Variants in IL16 observed in about 807,000 individuals in gnomAD.
IL16 encodes the protein pro-interleukin-16.
A neutral mutation model predicts 110.1 loss-of-function variants in IL16; 67 were observed. That is an observed-to-expected ratio of 0.61 (90% CI 0.50 to 0.75). The LOEUF is 0.75. Among genes scored for constraint, IL16 ranks in the 30% least tolerant of loss-of-function variants. The pLI, the probability that IL16 is intolerant of heterozygous loss-of-function variation, is 0.00. For missense variants in IL16, 1,545 were observed against 1,655.0 expected (o/e 0.93, Z 1.15); for synonymous variants, 689 against 662.9 (o/e 1.04, Z -0.61).
At chr15:81,232,616 C>G (rs577448756) in intron 2 of IL16, among the ~76,000 whole-genome samples, 1 of 152,200 alleles carries the variant, frequency 6.6e-6, no homozygotes, top group South Asian at 2.1e-4. Context: ...TTGAGATGCT[C>G]GTATGGAGTT....
At chr15:81,196,048 C>T (rs1566988829), upstream of IL16, among the ~76,000 whole-genome samples, 1 of 152,216 alleles carries the variant, frequency 6.6e-6, no homozygotes. Flanking sequence ...AAACAGAGTG[C>T]CAGAGGTGCT....
At chr15:81,243,542 G>T (rs1023125613) in intron 2 of IL16, among the ~76,000 whole-genome samples, 40 of 151,890 alleles carry the variant, frequency 2.6e-4, no homozygotes, top group Non-Finnish European at 4.3e-4. Context: ...GTAAATCTTT[G>T]TCTGGTTTTG....
chr15:81,279,782 T>C lies in IL16; in HGVS notation c.1081+8T>C. ...AGGTTTCTCTGCAGAAAGGTAGGAG[T>C]GCTGCAGCTGTGTCCCGTGCCTGGG... On this transcript the variant is annotated splice_region_variant and intron_variant, in intron 8 of 18. Coordinates refer to ENST00000683961, the MANE Select transcript of IL16 (RefSeq NM_172217.5). 1 of 1,612,664 alleles carries C rather than the reference T, an allele frequency of 6.2e-7. No individual in the cohort carries two copies.
In IL16 at chr15:81,301,325, T is replaced by C. The variant is rs771848447; in HGVS notation, c.3150-19T>C. 1 of 1,587,900 alleles carries C rather than the reference T, an allele frequency of 6.3e-7. No homozygotes were observed. Among genetic ancestry groups the C allele is most frequent in the Non-Finnish European group, 8.5e-7 (1 of 1,170,732 alleles). On this transcript the variant is annotated intron_variant, in intron 14 of 18. Coordinates refer to ENST00000683961, the MANE Select transcript of IL16 (RefSeq NM_172217.5). Reference sequence around the variant, plus strand: ...TTAATATTGTTGTTCATACTGTGTGTTGTTTCTCCTTATGAAAGCCTTTCA... The same window carrying C: ...TTAATATTGTTGTTCATACTGTGTGCTGTTTCTCCTTATGAAAGCCTTTCA...
intron 1 of IL16, among the ~76,000 whole-genome samples, chr15:81,203,569 T>G (rs1176807730): frequency 6.6e-6 from 1 of 152,028 alleles, no homozygotes; most frequent in Non-Finnish European, 1.5e-5. Flanking sequence ...CACCATTTAT[T>G]AAATAGGGAA....
chr15:81,238,616 GTGT>G (rs145004737), intron 2 of IL16, among the ~76,000 whole-genome samples: 22,513 of 151,830 alleles, frequency 0.15, 1,942 homozygotes, highest in Middle Eastern at 0.21. Flanking sequence ...ACCTCATTAG[GTGT>G]TGTTATAACT....
At position 81,301,259 on chromosome 15, in the gene IL16, C is replaced by T. The variant is rs140101048; in HGVS notation, c.3150-85C>T. ...ATATGCACATAAGTGCTTGGCACCA[C>T]ACCTGGGACATAGTAATTATACAAT... On this transcript the variant is annotated intron_variant, in intron 14 of 18. Coordinates refer to ENST00000683961, the MANE Select transcript of IL16 (RefSeq NM_172217.5). 2,816 of 1,261,974 alleles carry T rather than the reference C, an allele frequency of 2.2e-3. 10 individuals carry two copies. Among genetic ancestry groups the T allele is most frequent in the Admixed American group, 3.0e-3 (120 of 39,682 alleles). The allele number at this position is 1,261,974 out of a possible 1,614,324, so 78.2% of individuals were successfully genotyped here. A position where few individuals can be genotyped will look rare whatever the true frequency, so the allele number is the denominator to read the frequency against.
chr15:81,185,861 C>T (rs545186592), intron 1 of IL16, among the ~76,000 whole-genome samples: 42 of 152,118 alleles, frequency 2.8e-4, no homozygotes, highest in African/African-American at 9.4e-4. Context: ...AGCAAATGGG[C>T]GAATTGTAGA....
intron 11 of IL16, among the ~76,000 whole-genome samples, chr15:81,291,646 A>G (rs1418098479): frequency 6.6e-6 from 1 of 151,972 alleles, no homozygotes; most frequent in Non-Finnish European, 1.5e-5. Context: ...ACAGCTTACC[A>G]CTAGAGAGAA....
chr15:81,186,917 C>T (rs1296612511), intron 1 of IL16, among the ~76,000 whole-genome samples: 2 of 152,164 alleles, frequency 1.3e-5, no homozygotes, highest in Non-Finnish European at 2.9e-5. Context: ...CCTCAGCATC[C>T]TAAAGTGCTG....
chr15:81,200,833 T>C (rs375140637), intron 1 of IL16, among the ~76,000 whole-genome samples: 2 of 152,264 alleles, frequency 1.3e-5, no homozygotes, highest in East Asian at 3.8e-4. Context: ...ATTTCAGGCC[T>C]GAGTCAGCCA....
chr15:81,201,624 T>C (rs1456576084), intron 1 of IL16, among the ~76,000 whole-genome samples: 1 of 152,222 alleles, frequency 6.6e-6, no homozygotes, highest in East Asian at 1.9e-4. Context: ...TTTTAGGTTG[T>C]AGTTAAGTGG....
Position 81,306,051 on chromosome 15 carries a change from C to T in IL16, c.3564C>T (p.Pro1188=), listed in dbSNP as rs145310121. ...CCATCCTCCGCCAAGCTCGAGAGCC[C>T]AGGCAAGCTGTGATTGTCACAAGGA... ...ALAILRQARE[P]RQAVIVTRKL... Residue 1188 remains proline, a synonymous_variant, in exon 17 of 19, where the codon CCC becomes CCT. Coordinates refer to ENST00000683961, the MANE Select transcript of IL16 (RefSeq NM_172217.5). 5.6e-6 allele frequency: 9 copies of T among 1,614,216 alleles called. No homozygotes were observed. The African/African-American group carries it at 1.2e-4, about 22-fold the overall frequency.
intron 2 of IL16, among the ~76,000 whole-genome samples, chr15:81,235,793 G>A (rs774534897): frequency 2.6e-5 from 4 of 152,044 alleles, no homozygotes; most frequent in Non-Finnish European, 5.9e-5. Context: ...CCCATAAAAG[G>A]GTATAATGAG....
chr15:81,310,199 G>A lies in IL16; in HGVS notation c.*1401G>A, dbSNP rs1900781079. ...GGGAAGACCTGGCAAGGACACAGATGAAACACAAACAATAGTAATTCTCAG... is the reference window on the plus strand; with the variant it reads ...GGGAAGACCTGGCAAGGACACAGATAAAACACAAACAATAGTAATTCTCAG... On this transcript the variant is annotated 3_prime_UTR_variant, in exon 19 of 19. Transcript: ENST00000683961. 1 of 152,238 alleles carries A rather than the reference G, an allele frequency of 6.6e-6. No individual in the cohort carries two copies. Among genetic ancestry groups the A allele is most frequent in the Non-Finnish European group, 1.5e-5 (1 of 68,052 alleles). 9.4% of individuals were successfully genotyped at this position (152,238 alleles called of 1,614,324 possible).
At chr15:81,302,825 C>G (rs115474200) in intron 15 of IL16, among the ~76,000 whole-genome samples, 4 of 152,166 alleles carry the variant, frequency 2.6e-5, no homozygotes, top group Non-Finnish European at 5.9e-5. Flanking sequence ...AGAGCTGACC[C>G]TTTGAGCAGA....
At chr15:81,253,946 T>C (rs1897856908) in intron 2 of IL16, among the ~76,000 whole-genome samples, 1 of 152,158 alleles carries the variant, frequency 6.6e-6, no homozygotes, top group East Asian at 1.9e-4. Flanking sequence ...AGGAGATCTG[T>C]GGCCTCATCA....
At chr15:81,234,468 A>C (rs557915638) in intron 2 of IL16, among the ~76,000 whole-genome samples, 3 of 152,120 alleles carry the variant, frequency 2.0e-5, no homozygotes, top group Non-Finnish European at 4.4e-5. Flanking sequence ...TTAATATATT[A>C]GTCTTATATA....
chr15:81,194,573 A>G (rs1895551094), upstream of IL16, among the ~76,000 whole-genome samples: 1 of 152,008 alleles, frequency 6.6e-6, no homozygotes, highest in Admixed American at 6.5e-5. Context: ...TTAAAAATTT[A>G]CTTTTGGAAA....
Sources: gnomAD v4.1 joint callset for allele counts (sites outside exome capture counted in the v4.1 genomes callset) on GRCh38, gnomAD v4.1.1 for gene constraint, MANE v1.5 for transcripts, NCBI Gene and HGNC (gene_info 2026-07-23, HGNC 2026-07-21) for gene names.